APBB1: variants seen among roughly 807,000 people sequenced by gnomAD.
APBB1 encodes the protein amyloid beta precursor protein binding family B member 1, also known as adaptor protein FE65a2.
Under a neutral mutation model 78.4 loss-of-function variants are expected in APBB1, and 22 were observed. That is an observed-to-expected ratio of 0.28 (90% CI 0.20 to 0.40). APBB1 has a LOEUF of 0.40. Among genes scored for constraint, APBB1 ranks in the 10% least tolerant of loss-of-function variants. The probability of loss-of-function intolerance (pLI) is 1.00; values close to 1 mark genes in which losing one functional copy is unlikely to be tolerated. For missense variants in APBB1, 749 were observed against 932.4 expected (o/e 0.80, Z 2.56); for synonymous variants, 369 against 372.7 (o/e 0.99, Z 0.12).
Position 6,404,014 on chromosome 11 carries a change from G to A in APBB1, c.722-192C>T, listed in dbSNP as rs1848673453. 1.1e-5 allele frequency: 6 copies of A among 532,062 alleles called. No individual in the cohort carries two copies. In the East Asian group the frequency reaches 1.9e-4, roughly 16 times the overall value. 33.0% of individuals were successfully genotyped at this position (532,062 alleles called of 1,614,324 possible). On this transcript the variant is annotated intron_variant, in intron 2 of 14. Transcript: ENST00000609360. ...TGTGGGGCCACCAGTAGGGGACATGGCTCAGGTCTCCTCCTGGGCCCTGTT... is the reference window on the plus strand; with the variant it reads ...TGTGGGGCCACCAGTAGGGGACATGACTCAGGTCTCCTCCTGGGCCCTGTT...
chr11:6,403,305 A>AGCTCAC lies in APBB1; in HGVS notation c.1040+13_1040+14insGTGAGC. 1 of 1,613,842 alleles carries AGCTCAC rather than the reference A, an allele frequency of 6.2e-7. No homozygotes were observed. The highest frequency in any genetic ancestry group is 8.5e-7 in the Non-Finnish European group (1 of 1,179,872). ...ATCCATCCCACTGCCAGCTCACTGC[A>AGCTCAC]TCTGGCAGCTCACCTGAGGCTCTGA... is the stretch of plus-strand genomic sequence containing the variant. On this transcript the variant is annotated intron_variant, in intron 5 of 14. Transcript: ENST00000609360. The surrounding 1 kb of genome is among the most constrained non-coding windows in gnomAD (Gnocchi z 5.3).
rs765631325 is a variant in APBB1, at chr11:6,403,834, G to A, written c.722-12C>T. 4 of 1,533,630 alleles carry A rather than the reference G, an allele frequency of 2.6e-6. No homozygotes were observed. The highest frequency in any genetic ancestry group is 1.3e-5 in the South Asian group (1 of 78,544). On this transcript the variant is annotated splice_polypyrimidine_tract_variant and intron_variant, in intron 2 of 14. Coordinates refer to ENST00000609360, the MANE Select transcript of APBB1 (RefSeq NM_001164.5). The surrounding 1 kb of genome is among the most constrained non-coding windows in gnomAD (Gnocchi z 5.3). ...GTTCCAGAAGGAATCTGCCAGGTGG[G>A]AGGCTTGGTGAGGGTCAGCCTACCC...
intron 2 of APBB1, chr11:6,404,727 C>T (rs1360210879): frequency 1.3e-6 from 2 of 1,536,324 alleles, no homozygotes; most frequent in African/African-American, 2.7e-5. Context: ...TGAGGCCCAA[C>T]CTCATGCTGC....
In APBB1 at chr11:6,401,354, G is replaced by T; in HGVS notation, c.1579C>A (p.Pro527Thr). 6.2e-7 allele frequency: 1 copy of T among 1,614,130 alleles called. No homozygotes were observed. The highest frequency in any genetic ancestry group is 8.5e-7 in the Non-Finnish European group (1 of 1,180,046). ...SLDHSKLVDV[P>T]FQVEFPAPKN... ...GGGTTTTGACACTGACCTTGGAAAG[G>T]GACATCCACAAGTTTAGAGTGGTCC... is the stretch of plus-strand genomic sequence containing the variant. The change falls in exon 11 of 15, where the codon CCT becomes ACT. Residue 527 changes from proline (P) to threonine (T), a missense_variant. This residue lies in a region of APBB1 where 635 missense variants were observed against 765.0 expected (regional missense o/e 0.83). Coordinates refer to ENST00000609360, the MANE Select transcript of APBB1 (RefSeq NM_001164.5). The surrounding 1 kb of genome is among the most constrained non-coding windows in gnomAD (Gnocchi z 4.5).
intron 7 of APBB1, 161 bp downstream of exon 7, chr11:6,402,415 T>A: frequency 9.2e-7 from 1 of 1,083,896 alleles, no homozygotes; most frequent in Non-Finnish European, 1.3e-6. Flanking sequence ...TCTCCCAAGG[T>A]CCTGGCCTGG....
chr11:6,403,281 T>A lies in APBB1; in HGVS notation c.1040+38A>T, dbSNP rs369980315. The A allele has an allele frequency of 1.9e-6, 3 of 1,612,626 alleles. No individual in the cohort carries two copies. The highest frequency in any genetic ancestry group is 2.5e-6 in the Non-Finnish European group (3 of 1,179,160). ...TGTCCCAAGGCCCCTTCCAGACAGA[T>A]CCATCCCACTGCCAGCTCACTGCAT... is the stretch of plus-strand genomic sequence containing the variant. On this transcript the variant is annotated intron_variant, in intron 5 of 14. Coordinates refer to ENST00000609360, the MANE Select transcript of APBB1 (RefSeq NM_001164.5). This position sits in a 1 kb window ranked among gnomAD's most constrained non-coding sequence, Gnocchi z 5.3.
chr11:6,407,790 T>G (rs952963948), intron 2 of APBB1, among the ~76,000 whole-genome samples: 1 of 150,620 alleles, frequency 6.6e-6, no homozygotes, highest in African/African-American at 2.5e-5. Context: ...TTTTTTTTTT[T>G]GAGACGGAGT....
In APBB1 at chr11:6,411,480, C is replaced by T; in HGVS notation, c.-14-119G>A. 8.3e-6 allele frequency: 7 copies of T among 840,818 alleles called. No homozygotes were observed. Among genetic ancestry groups the T allele is most frequent in the Non-Finnish European group, 1.3e-5 (7 of 556,538 alleles). The allele number at this position is 840,818 out of a possible 1,614,324, so 52.1% of individuals were successfully genotyped here. A position where few individuals can be genotyped will look rare whatever the true frequency, so the allele number is the denominator to read the frequency against. ...TCTCCCTGCACTAAGCAGGCTAGCA[C>T]CCATGGCTCTCTATCCTATGAGAAT... On this transcript the variant is annotated intron_variant, in intron 1 of 14. Transcript: ENST00000609360. This position sits in a 1 kb window ranked among gnomAD's most constrained non-coding sequence, Gnocchi z 5.2.
At chr11:6,406,800 A>ACTC (rs1358564016) in intron 2 of APBB1, among the ~76,000 whole-genome samples, 1 of 151,186 alleles carries the variant, frequency 6.6e-6, no homozygotes, top group Non-Finnish European at 1.5e-5. Context: ...CTCCCCCACC[A>ACTC]CTCTCACAGG....
chr11:6,403,513 C>A lies in APBB1; in HGVS notation c.929G>T (p.Gly310Val), dbSNP rs1293725364. 6.2e-7 allele frequency: 1 copy of A among 1,614,238 alleles called. No individual in the cohort carries two copies. The highest frequency in any genetic ancestry group is 2.2e-5 in the East Asian group (1 of 44,884). Residue 310 changes from glycine (G) to valine (V), a missense_variant, in exon 4 of 15, where the codon GGC becomes GTC. Coordinates refer to ENST00000609360, the MANE Select transcript of APBB1 (RefSeq NM_001164.5). This position sits in a 1 kb window ranked among gnomAD's most constrained non-coding sequence, Gnocchi z 5.3. ...CTTCCAAAATTCTCCATCCTCAAAGCCTTCTCCATGAGCAAAACCTGTCCA... is the reference window on the plus strand; with the variant it reads ...CTTCCAAAATTCTCCATCCTCAAAGACTTCTCCATGAGCAAAACCTGTCCA... The part of the protein sequence containing the change: ...LTWTGFAHGE[G>V]FEDGEFWKDE...
chr11:6,410,767 G>T lies in APBB1; in HGVS notation c.581C>A (p.Ala194Asp), dbSNP rs772671906. 16 of 1,599,616 alleles carry T rather than the reference G, an allele frequency of 1.0e-5. No individual in the cohort carries two copies. In the South Asian group the frequency reaches 1.6e-4, roughly 16 times the overall value. ...GTGTTCCCGGGGGCCATCTGTAAGG[G>T]CTTGGGGCCTGGGAGGGGCCTCCAC... The part of the protein sequence containing the change: ...ESVEAPPRPQ[A>D]LTDGPREHSK... Residue 194 changes from alanine (A) to aspartate (D), a missense_variant, in exon 2 of 15, where the codon GCC becomes GAC. Around this residue, in one of 3 missense-constraint regions of APBB1, gnomAD observed 635 missense variants for 765.0 expected, o/e 0.83. Coordinates refer to ENST00000609360, the MANE Select transcript of APBB1 (RefSeq NM_001164.5).
intron 2 of APBB1, chr11:6,405,763 C>G: frequency 1.2e-6 from 1 of 836,242 alleles, no homozygotes; most frequent in Non-Finnish European, 1.4e-6. Context: ...CTAACTCACA[C>G]TCTATGGAAT....
At position 6,403,485 on chromosome 11, in the gene APBB1, C is replaced by G; in HGVS notation, c.954+3G>C. 2 of 1,614,212 alleles carry G rather than the reference C, an allele frequency of 1.2e-6. No homozygotes were observed. The highest frequency in any genetic ancestry group is 1.1e-5 in the South Asian group (1 of 91,086). ...CCGTGGTAAAGCAGGTCCCCTTACCCACCTTCCAAAATTCTCCATCCTCAA... is the reference window on the plus strand; with the variant it reads ...CCGTGGTAAAGCAGGTCCCCTTACCGACCTTCCAAAATTCTCCATCCTCAA... On this transcript the variant is annotated splice_donor_region_variant and intron_variant, in intron 4 of 14. Transcript: ENST00000609360. This position sits in a 1 kb window ranked among gnomAD's most constrained non-coding sequence, Gnocchi z 5.3.
chr11:6,396,294 C>A, intron 12 of APBB1, 79 bp from the exon 13 acceptor site: 1 of 1,265,316 alleles, frequency 7.9e-7, no homozygotes, highest in South Asian at 1.4e-5. Flanking sequence ...TAGTTCCACC[C>A]AATCAAACCC....
chr11:6,413,741 G>C (rs1253649030), intron 1 of APBB1, among the ~76,000 whole-genome samples: 2 of 152,082 alleles, frequency 1.3e-5, no homozygotes, highest in African/African-American at 4.8e-5. Context: ...AAAGTGCTGG[G>C]ATTACAGGCG....
In APBB1 at chr11:6,403,668, G is replaced by A; in HGVS notation, c.876C>T (p.Ser292=). The A allele has an allele frequency of 6.2e-7, 1 of 1,608,194 alleles. No homozygotes were observed. The highest frequency in any genetic ancestry group is 8.5e-7 in the Non-Finnish European group (1 of 1,176,536). Residue 292 remains serine, a synonymous_variant, in exon 3 of 15, where the codon AGC becomes AGT. Coordinates refer to ENST00000609360, the MANE Select transcript of APBB1 (RefSeq NM_001164.5). This position sits in a 1 kb window ranked among gnomAD's most constrained non-coding sequence, Gnocchi z 5.3. ...PPGRASPSQG[S]SPQEESQLTW... ...TCACCTGGGACTCCTCTTGGGGGCT[G>A]CTCCCCTGTGAGGGGGAGGCCCGGC...
At chr11:6,407,827 C>T (rs537446500) in intron 2 of APBB1, among the ~76,000 whole-genome samples, 4 of 147,288 alleles carry the variant, frequency 2.7e-5, no homozygotes, top group East Asian at 2.0e-4. Flanking sequence ...GGCCGGACTG[C>T]GGACTGCAGT....
intron 1 of APBB1, among the ~76,000 whole-genome samples, chr11:6,415,300 G>A (rs1359817094): frequency 6.6e-6 from 1 of 152,200 alleles, no homozygotes; most frequent in Non-Finnish European, 1.5e-5. Flanking sequence ...CAGGGGTTGG[G>A]GTTGAGTCTT....
intron 2 of APBB1, chr11:6,404,893 A>G (rs1253184415): frequency 6.7e-7 from 1 of 1,502,278 alleles, no homozygotes; most frequent in Non-Finnish European, 8.8e-7. Context: ...GGCTGCAGAG[A>G]AAAGCTCATC....
Sources: allele counts gnomAD v4.1 joint callset (sites outside exome capture counted in the v4.1 genomes callset), GRCh38; gene constraint gnomAD v4.1.1; regional missense constraint gnomAD v4.1.1; non-coding constraint Gnocchi (gnomAD v3.1); transcripts MANE v1.5; gene names NCBI Gene and HGNC (gene_info 2026-07-23, HGNC 2026-07-21).